The following PDE11A variants were observed in gnomAD, a reference collection of about 807,000 sequenced individuals.
PDE11A encodes dual 3',5'-cyclic-AMP and -GMP phosphodiesterase 11A.
A neutral mutation model predicts 100.5 loss-of-function variants in PDE11A; 100 were observed. The observed-to-expected ratio is 1.00, with a 90% CI of 0.85 to 1.18. The LOEUF is 1.18. Ranked by LOEUF, PDE11A falls within the 50% of genes most tolerant of loss-of-function variation. PDE11A has a pLI of 0.00. For synonymous variants in PDE11A, 381 were observed against 420.8 expected, an observed-to-expected ratio of 0.91 and a Z score of 1.16; for missense variants, 1,141 against 1,152.6, an observed-to-expected ratio of 0.99 and a Z score of 0.15.
intron 2 of PDE11A, among the ~76,000 whole-genome samples, chr2:178,007,928 G>A (rs1040789954): frequency 2.6e-5 from 4 of 151,982 alleles, no homozygotes; most frequent in Non-Finnish European, 5.9e-5. Context: ...GGCTGGTCTC[G>A]AACTCCTGAC....
intron 12 of PDE11A, among the ~76,000 whole-genome samples, chr2:177,724,967 T>C (rs1167778524): frequency 1.3e-5 from 2 of 151,988 alleles, no homozygotes; most frequent in East Asian, 3.9e-4. Context: ...TTTCTTTCTT[T>C]TTTCCCCCCA....
intron 17 of PDE11A, among the ~76,000 whole-genome samples, chr2:177,672,555 T>C (rs2080699435): frequency 2.0e-5 from 3 of 152,136 alleles, no homozygotes; most frequent in African/African-American, 7.2e-5. Flanking sequence ...GCTATAAGGA[T>C]GAGAATCCAT....
intron 19 of PDE11A, among the ~76,000 whole-genome samples, chr2:177,651,095 C>T (rs1021338747): frequency 1.2e-4 from 19 of 152,186 alleles, no homozygotes; most frequent in African/African-American, 4.6e-4. Flanking sequence ...ATCCTCATAG[C>T]ATCTAACTTG....
At chr2:177,793,822 G>T (rs192819772) in intron 9 of PDE11A, among the ~76,000 whole-genome samples, 1 of 152,172 alleles carries the variant, frequency 6.6e-6, no homozygotes, top group African/African-American at 2.4e-5. Flanking sequence ...GTAGAAGGAT[G>T]GGGAGGGACT....
chr2:177,850,092 A>C (rs1297738872), intron 5 of PDE11A, among the ~76,000 whole-genome samples: 4 of 152,218 alleles, frequency 2.6e-5, no homozygotes, highest in Non-Finnish European at 4.4e-5. Flanking sequence ...TCCTAAGCCA[A>C]AAGAACAAAG....
chr2:177,723,838 T>A (rs2081563604), intron 12 of PDE11A, among the ~76,000 whole-genome samples: 1 of 151,982 alleles, frequency 6.6e-6, no homozygotes. Flanking sequence ...CCGAAAAAAA[T>A]GTCTCTGCAA....
At chr2:177,653,206 G>A (rs1044857861) in intron 19 of PDE11A, among the ~76,000 whole-genome samples, 1 of 152,158 alleles carries the variant, frequency 6.6e-6, no homozygotes, top group African/African-American at 2.4e-5. Flanking sequence ...GGCACTCCAG[G>A]TGCAGAGTCG....
At chr2:178,035,109 A>C (rs1342102951) in intron 1 of PDE11A, among the ~76,000 whole-genome samples, 1 of 152,172 alleles carries the variant, frequency 6.6e-6, no homozygotes, top group Non-Finnish European at 1.5e-5. Context: ...TTAAACATTA[A>C]CAAAATAGAT....
At chr2:177,788,337 C>A in intron 9 of PDE11A, among the ~76,000 whole-genome samples, 2 of 143,586 alleles carry the variant, frequency 1.4e-5, no homozygotes, top group Admixed American at 6.8e-5. Context: ...TCTTTGAAAC[C>A]AACGAGAACA....
chr2:178,086,061 T>C (rs183783637), intron 2 of PDE11A, among the ~76,000 whole-genome samples: 1 of 152,226 alleles, frequency 6.6e-6, no homozygotes, highest in Non-Finnish European at 1.5e-5. Flanking sequence ...GCTGGGACTC[T>C]GGAACCACTG....
chr2:177,883,701 G>T (rs1163426353), intron 4 of PDE11A, among the ~76,000 whole-genome samples: 3 of 152,168 alleles, frequency 2.0e-5, no homozygotes, highest in African/African-American at 7.2e-5. Context: ...ATTCAATAAA[G>T]GGGCAAGCTA....
At chr2:177,838,561 CA>C (rs1376313209) in intron 6 of PDE11A, among the ~76,000 whole-genome samples, 3 of 152,090 alleles carry the variant, frequency 2.0e-5, no homozygotes, top group East Asian at 3.9e-4. Context: ...TTCCTGCTGA[CA>C]GGGGGCACTA....
At chr2:177,765,520 A>G (rs10209248) in intron 10 of PDE11A, among the ~76,000 whole-genome samples, 3,513 of 152,268 alleles carry the variant, frequency 0.023, 133 homozygotes, top group African/African-American at 0.08. Context: ...GATTCCATCG[A>G]TGCCATCAGC....
intron 2 of PDE11A, among the ~76,000 whole-genome samples, chr2:177,943,837 T>C (rs1170599557): frequency 6.6e-6 from 1 of 152,196 alleles, no homozygotes; most frequent in East Asian, 1.9e-4. Context: ...CTATGATTCC[T>C]ACTAGGTTTT....
At chr2:177,979,187 G>T (rs1231644756) in intron 2 of PDE11A, among the ~76,000 whole-genome samples, 2 of 150,404 alleles carry the variant, frequency 1.3e-5, no homozygotes, top group Non-Finnish European at 3.0e-5. Context: ...GTTCACCATA[G>T]CATGCATATG....
At chr2:178,015,462 C>T (rs2086323212) in intron 1 of PDE11A, among the ~76,000 whole-genome samples, 1 of 151,974 alleles carries the variant, frequency 6.6e-6, no homozygotes, top group South Asian at 2.1e-4. Flanking sequence ...AAAGTTAAAC[C>T]ATGGGAGCTA....
chr2:177,857,947 C>T (rs1290552945), intron 5 of PDE11A, among the ~76,000 whole-genome samples: 1 of 151,812 alleles, frequency 6.6e-6, no homozygotes, highest in Non-Finnish European at 1.5e-5. Flanking sequence ...AGATAAAGAA[C>T]AATATTTTAT....
chr2:177,787,975 T>C (rs1358749158), intron 9 of PDE11A, among the ~76,000 whole-genome samples: 1 of 151,942 alleles, frequency 6.6e-6, no homozygotes, highest in Non-Finnish European at 1.5e-5. Flanking sequence ...ATTAGACAGA[T>C]CAATGAGACA....
chr2:177,638,424 G>A (rs537960870), intron 19 of PDE11A, among the ~76,000 whole-genome samples: 43 of 152,006 alleles, frequency 2.8e-4, no homozygotes, highest in Non-Finnish European at 5.9e-4. Flanking sequence ...AAATATCTAA[G>A]TATAATAACT....
Sources: allele counts gnomAD v4.1 joint callset (sites outside exome capture counted in the v4.1 genomes callset), GRCh38; gene constraint gnomAD v4.1.1; transcripts MANE v1.5; gene names NCBI Gene and HGNC (gene_info 2026-07-23, HGNC 2026-07-21).